Variants in JAG2 observed in about 807,000 individuals in gnomAD.
JAG2 encodes the protein jagged canonical Notch ligand 2.
A neutral mutation model predicts 141.7 loss-of-function variants in JAG2; 46 were observed. That is an observed-to-expected ratio of 0.32 (90% CI 0.26 to 0.42). The LOEUF (loss-of-function observed/expected upper bound fraction) is 0.42, where lower values mean the gene tolerates loss of function less well. JAG2 is among the 10% of genes least tolerant of loss of function. The pLI is 1.00. For missense variants in JAG2, 1,500 were observed against 1,817.5 expected, an observed-to-expected ratio of 0.83 and a Z score of 3.18; for synonymous variants, 862 against 763.5, an observed-to-expected ratio of 1.13 and a Z score of -2.13.
chr14:105,149,353 G>C, intron 12 of JAG2, 33 bp from the exon 13 acceptor site: 1 of 1,612,044 alleles, frequency 6.2e-7, no homozygotes, highest in African/African-American at 1.3e-5. Flanking sequence ...GAGAGCCTAG[G>C]CCCAGGCCCA....
At chr14:105,153,460 C>T (rs1365664532) in intron 5 of JAG2, among the ~76,000 whole-genome samples, 1 of 152,360 alleles carries the variant, frequency 6.6e-6, no homozygotes, top group Admixed American at 6.5e-5. Context: ...CACAGCCGGG[C>T]TCAGAGCCCA....
rs1357354626 is a variant in JAG2 at position 105,147,759 on chromosome 14, C to T, written c.2365+13G>A. The T allele has an allele frequency of 2.6e-6, 4 of 1,525,234 alleles. No homozygotes were observed. The East Asian group carries it at 7.3e-5, about 28-fold the overall frequency. The allele number at this position is 1,525,234 out of a possible 1,614,324, so 94.5% of individuals were successfully genotyped here. A position where few individuals can be genotyped will look rare whatever the true frequency, so the allele number is the denominator to read the frequency against. ...AGGAAAGCGGCCCCCGCCCACACCC[C>T]TCCCACACTCACTGTGAGTGCAAGT... On this transcript the variant is annotated intron_variant, in intron 18 of 25. Transcript: ENST00000331782.
Position 105,142,848 on chromosome 14 carries a change from C to T in JAG2, c.3564G>A (p.Glu1188=), listed in dbSNP as rs763324007. 1.2e-6 allele frequency: 2 copies of T among 1,608,944 alleles called. No individual in the cohort carries two copies. Among genetic ancestry groups the T allele is most frequent in the African/African-American group, 2.7e-5 (2 of 74,838 alleles). ...GGAACTTCTCCGCCTCCAGGGAGTC[C>T]TCCTCACCGCGGCCCAGATCCTCGT... The part of the protein sequence containing the change: ...EEDEDLGRGE[E]DSLEAEKFLS... Residue 1188 remains glutamate (E), a synonymous_variant, in exon 26 of 26, where the codon GAG becomes GAA. Transcript: ENST00000331782.
chr14:105,150,059 GGTGGGGAAGGGGGT>G (rs1888373880), intron 12 of JAG2, among the ~76,000 whole-genome samples: 1 of 89,928 alleles, frequency 1.1e-5, no homozygotes, highest in South Asian at 5.0e-4. Context: ...GGAAGGGGGA[GGTGGGGAAGGGGGT>G]GGTAGGGGTG....
rs745953543 is a variant in JAG2, at chr14:105,151,085, C to T, written c.1287G>A (p.Gly429=). The change falls in exon 10 of 26, where the codon GGG becomes GGA. Residue 429 remains glycine (G), a synonymous_variant. Coordinates refer to ENST00000331782, the MANE Select transcript of JAG2 (RefSeq NM_002226.5). ...TCQLDANECE[G]KPCLNAFSCK... is the part of the protein sequence containing the mutation. ...AAGAAAAAGCGTTAAGGCATGGCTTCCCTTCACACTCATTGGCGTCTGTGA... is the reference window on the plus strand; with the variant it reads ...AAGAAAAAGCGTTAAGGCATGGCTTTCCTTCACACTCATTGGCGTCTGTGA... 6.8e-6 allele frequency: 11 copies of T among 1,612,348 alleles called. No individual in the cohort carries two copies. The highest frequency in any genetic ancestry group is 4.0e-5 in the African/African-American group (3 of 74,906).
intron 24 of JAG2, 27 bp downstream of exon 24, chr14:105,144,903 A>G (rs374509601): frequency 1.4e-5 from 23 of 1,595,016 alleles, no homozygotes; most frequent in South Asian, 1.3e-4. Flanking sequence ...GGGCCCACCC[A>G]GGTGCTGCTC....
At chr14:105,157,629 G>A in intron 3 of JAG2, 77 bp downstream of exon 3, 2 of 1,301,426 alleles carry the variant, frequency 1.5e-6, no homozygotes, top group Non-Finnish European at 2.2e-6. Context: ...TTTGTCCCAA[G>A]CAGACAGAGG....
rs746493564 is a variant in JAG2, at chr14:105,152,302, G to T, written c.789-11C>A. 8 of 1,612,330 alleles carry T rather than the reference G, an allele frequency of 5.0e-6. No homozygotes were observed. In the South Asian group the frequency reaches 7.7e-5, roughly 16 times the overall value. On this transcript the variant is annotated splice_polypyrimidine_tract_variant and intron_variant, in intron 5 of 25. Transcript: ENST00000331782. ...CAGCCGTAGCTGCACCTGGGGGAAG[G>T]AGGAGGGGCGCAAGACCCAGTGAGC...
intron 3 of JAG2, among the ~76,000 whole-genome samples, chr14:105,156,554 C>T (rs1210713342): frequency 6.6e-6 from 1 of 152,180 alleles, no homozygotes; most frequent in East Asian, 1.9e-4. Context: ...CTAAGCCTCA[C>T]TTTAAGTAAG....
At chr14:105,161,485 T>C (rs1220258191) in intron 2 of JAG2, among the ~76,000 whole-genome samples, 1 of 152,108 alleles carries the variant, frequency 6.6e-6, no homozygotes, top group Admixed American at 6.5e-5. Flanking sequence ...TCAGGTAAGA[T>C]TACTGCCACC....
Position 105,143,507 on chromosome 14 carries a change from C to T in JAG2, c.3216G>A (p.Thr1072=), listed in dbSNP as rs756453644. The change falls in exon 25 of 26, where the codon ACG becomes ACA. Residue 1072 remains threonine (T), a synonymous_variant. Coordinates refer to ENST00000331782, the MANE Select transcript of JAG2 (RefSeq NM_002226.5). The part of the protein sequence containing the change: ...LLAVTEVKVE[T]VVTGGSSTGL... ...CTGTGGAAGAGCCGCCCGTAACAACCGTCTCCACCTTGACCTCGGTGACAG... is the reference window on the plus strand; with the variant it reads ...CTGTGGAAGAGCCGCCCGTAACAACTGTCTCCACCTTGACCTCGGTGACAG... The T allele has an allele frequency of 1.7e-5, 26 of 1,569,594 alleles. No homozygotes were observed. The highest frequency in any genetic ancestry group is 1.7e-4 in the Middle Eastern group (1 of 6,006).
Position 105,142,666 on chromosome 14 carries a change from C to T in JAG2, c.*29G>A. 1 of 1,551,810 alleles carries T rather than the reference C, an allele frequency of 6.4e-7. No individual in the cohort carries two copies. ...GACGGCATGGCTCCCACCGAGGGCC[C>T]TGGGTCCCGGCCCAGCTGGCAGCCG... On this transcript the variant is annotated 3_prime_UTR_variant, in exon 26 of 26. Transcript: ENST00000331782.
At chr14:105,152,561 C>T (rs1056015825) in intron 5 of JAG2, among the ~76,000 whole-genome samples, 2 of 152,128 alleles carry the variant, frequency 1.3e-5, no homozygotes, top group Non-Finnish European at 2.9e-5. Context: ...TGAGCTGGGC[C>T]CCGAGAGCAG....
rs754287000 is a variant in JAG2, at chr14:105,154,176, G to C, written c.788+1386C>G. Among the ~76,000 whole-genome samples the C allele has an allele frequency of 2.0e-5, 3 of 152,082 alleles. No homozygotes were observed. Among genetic ancestry groups the C allele is most frequent in the Non-Finnish European group, 4.4e-5 (3 of 67,976 alleles). ...AACTCAGCTGGTTCCCAAACTCCCC[G>C]ACTCCTCTCCAAAACGCCACGCTGT... is the stretch of plus-strand genomic sequence containing the variant. On this transcript the variant is annotated intron_variant, in intron 5 of 25. Coordinates refer to ENST00000331782, the MANE Select transcript of JAG2 (RefSeq NM_002226.5). The surrounding 1 kb of genome is among the most constrained non-coding windows in gnomAD (Gnocchi z 4.4).
rs376818072 is a variant in JAG2 at position 105,145,548 on chromosome 14, C to A, written c.2952+183G>T. On this transcript the variant is annotated intron_variant, in intron 23 of 25. Coordinates refer to ENST00000331782, the MANE Select transcript of JAG2 (RefSeq NM_002226.5). ...CTGCTCTCCCAGCCTCCTCTGCCAC[C>A]TCCACCCAGCACCAGGCCCAATGCC... is the stretch of plus-strand genomic sequence containing the variant. 2.0e-5 allele frequency among the ~76,000 whole-genome samples: 3 copies of A among 152,362 alleles called. No individual in the cohort carries two copies. In the South Asian group the frequency reaches 6.2e-4, roughly 32 times the overall value.
At chr14:105,151,239 G>A (rs765259672) in intron 9 of JAG2, 44 bp downstream of exon 9, 30 of 870,114 alleles carry the variant, frequency 3.4e-5, no homozygotes, top group Non-Finnish European at 4.4e-5. Flanking sequence ...CCCGCAGCCC[G>A]CATGCGCGGC....
In JAG2 at chr14:105,142,750, A is replaced by G. The variant is rs1280855594; in HGVS notation, c.3662T>C (p.Val1221Ala). ...RPAHWASGPKVDNRAVRSINE... is the reference protein window; with the variant it reads ...RPAHWASGPKADNRAVRSINE... ...GATGCTCCTGACCGCGCGGTTGTCCACTTTGGGGCCTGAGGCCCAGTGGGC... is the reference window on the plus strand; with the variant it reads ...GATGCTCCTGACCGCGCGGTTGTCCGCTTTGGGGCCTGAGGCCCAGTGGGC... The change falls in exon 26 of 26, where the codon GTG becomes GCG. Residue 1221 changes from valine to alanine, a missense_variant. Around this residue, in one of 3 missense-constraint regions of JAG2, gnomAD observed 425 missense variants for 441.0 expected, o/e 0.96. Coordinates refer to ENST00000331782, the MANE Select transcript of JAG2 (RefSeq NM_002226.5). The G allele has an allele frequency of 1.2e-6, 2 of 1,609,548 alleles. No individual in the cohort carries two copies. Among genetic ancestry groups the G allele is most frequent in the Non-Finnish European group, 1.7e-6 (2 of 1,178,700 alleles).
chr14:105,158,060 C>G (rs587766813), intron 2 of JAG2, among the ~76,000 whole-genome samples: 110 of 152,166 alleles, frequency 7.2e-4, no homozygotes, highest in African/African-American at 2.5e-3. Flanking sequence ...CAAGTCAGCA[C>G]GGAGCACAGG....
chr14:105,155,983 A>T lies in JAG2; in HGVS notation c.482T>A (p.Leu161Gln). Reference sequence around the variant, plus strand: ...GGCATGCGACACTCGCTCGATCAGCAGCTCCTCTTGGGGAGGCGGCAGAGT... The same window carrying T: ...GGCATGCGACACTCGCTCGATCAGCTGCTCCTCTTGGGGAGGCGGCAGAGT... ...WDNDTTPNEE[L>Q]LIERVSHAGM... Residue 161 changes from leucine to glutamine, a missense_variant, in exon 4 of 26, where the codon CTG (leucine) becomes CAG (glutamine). Around this residue, in one of 3 missense-constraint regions of JAG2, gnomAD observed 875 missense variants for 1,202.2 expected, o/e 0.73. Transcript: ENST00000331782. 6.2e-7 allele frequency: 1 copy of T among 1,604,548 alleles called. No homozygotes were observed. The highest frequency in any genetic ancestry group is 1.1e-5 in the South Asian group (1 of 91,032).
Sources: allele counts gnomAD v4.1 joint callset (sites outside exome capture counted in the v4.1 genomes callset), GRCh38; gene constraint gnomAD v4.1.1; regional missense constraint gnomAD v4.1.1; non-coding constraint Gnocchi (gnomAD v3.1); transcripts MANE v1.5; gene names NCBI Gene and HGNC (gene_info 2026-07-23, HGNC 2026-07-21).